The following XXYLT1 variants were observed in gnomAD, a reference collection of about 807,000 sequenced individuals.
XXYLT1 encodes the protein xyloside xylosyltransferase 1.
A neutral mutation model predicts 28.9 loss-of-function variants in XXYLT1; 20 were observed. The observed-to-expected ratio is 0.69, with a 90% CI of 0.49 to 1.00. The LOEUF is 1.00. Among genes scored for constraint, XXYLT1 ranks in the 50% least tolerant of loss-of-function variants. XXYLT1 has a pLI of 0.00. For missense variants in XXYLT1, 542 were observed against 560.1 expected (o/e 0.97, Z 0.33); for synonymous variants, 257 against 253.8 (o/e 1.01, Z -0.12).
At chr3:195,197,441 T>TAAAAAA (rs59076636) in intron 2 of XXYLT1, among the ~76,000 whole-genome samples, 1 of 106,176 alleles carries the variant, frequency 9.4e-6, no homozygotes, top group African/African-American at 3.3e-5. Context: ...AGTCTCAATT[T>TAAAAAA]AAAAAAAAAA....
In XXYLT1 at chr3:195,235,996, GTGACACCCC is replaced by G. The variant is rs112103571; in HGVS notation, c.505-9149_505-9141del. 6.5e-3 allele frequency among the ~76,000 whole-genome samples: 987 copies of G among 152,232 alleles called. 9 individuals are homozygous for G. Among genetic ancestry groups the G allele is most frequent in the African/African-American group, 0.022 (934 of 41,512 alleles). On this transcript the variant is annotated intron_variant, in intron 1 of 3. Coordinates refer to ENST00000310380, the MANE Select transcript of XXYLT1 (RefSeq NM_152531.5). The stretch of plus-strand genomic sequence containing the variant: ...TGGGCTGCCTGGAGATTGGGGAGGG[GTGACACCCC>G]TGTCACTATCACCACTGGGACTGCA...
intron 2 of XXYLT1, among the ~76,000 whole-genome samples, chr3:195,211,538 G>A (rs903115843): frequency 1.3e-5 from 2 of 152,214 alleles, no homozygotes; most frequent in African/African-American, 4.8e-5. Flanking sequence ...CTATGTGTCT[G>A]TATCGCTCTG....
intron 3 of XXYLT1, among the ~76,000 whole-genome samples, chr3:195,099,002 C>T (rs1311903895): frequency 6.6e-6 from 1 of 152,234 alleles, no homozygotes; most frequent in African/African-American, 2.4e-5. Flanking sequence ...GCTTCAAGCA[C>T]AGACCATTCC....
chr3:195,068,824 A>T lies in XXYLT1; in HGVS notation c.*891T>A, dbSNP rs57202169. The T allele has an allele frequency of 6.6e-6, 1 of 151,460 alleles. No individual in the cohort carries two copies. Among genetic ancestry groups the T allele is most frequent in the African/African-American group, 2.4e-5 (1 of 41,254 alleles). The allele number at this position is 151,460 out of a possible 1,614,324, so 9.4% of individuals were successfully genotyped here. On this transcript the variant is annotated 3_prime_UTR_variant, in exon 4 of 4. Coordinates refer to ENST00000310380, the MANE Select transcript of XXYLT1 (RefSeq NM_152531.5). Reference sequence around the variant, plus strand: ...TCTCGACCTCCGAGGCTCAATCGATACCCCCACCTCGGTCTCCCAAAGTGT... The same window carrying T: ...TCTCGACCTCCGAGGCTCAATCGATTCCCCCACCTCGGTCTCCCAAAGTGT...
At position 195,256,212 on chromosome 3, in the gene XXYLT1, T is replaced by G. The variant is rs978490874; in HGVS notation, c.504+14343A>C. Among the ~76,000 whole-genome samples, 1 of 152,228 alleles carries G rather than the reference T, an allele frequency of 6.6e-6. No homozygotes were observed. Among genetic ancestry groups the G allele is most frequent in the Non-Finnish European group, 1.5e-5 (1 of 68,036 alleles). On this transcript the variant is annotated intron_variant, in intron 1 of 3. Transcript: ENST00000310380. This position sits in a 1 kb window ranked among gnomAD's most constrained non-coding sequence, Gnocchi z 4.2. ...TCATGGCTCCGAGCAAGCTCATCTG[T>G]GCAGCCTCTTCCTAGGGGAGACTAG... is the stretch of plus-strand genomic sequence containing the variant.
At chr3:195,175,556 T>G in intron 2 of XXYLT1, 1 of 1,532,542 alleles carries the variant, frequency 6.5e-7, no homozygotes, top group Non-Finnish European at 8.7e-7. Context: ...CTAGGGGTAG[T>G]TAGGACACAG....
At position 195,163,622 on chromosome 3, in the gene XXYLT1, C is replaced by T. The variant is rs79640419; in HGVS notation, c.653-7041G>A. On this transcript the variant is annotated intron_variant, in intron 2 of 3. Coordinates refer to ENST00000310380, the MANE Select transcript of XXYLT1 (RefSeq NM_152531.5). ...TTAACTCGTTTGATCCTTACAGCAA[C>T]CCTAGGGGGCAGGTGCATCCATGTG... Among the ~76,000 whole-genome samples the T allele has an allele frequency of 7.5e-3, 1,148 of 152,316 alleles. 3 individuals are homozygous for T. Among genetic ancestry groups the T allele is most frequent in the Admixed American group, 0.015 (233 of 15,308 alleles).
At chr3:195,099,004 G>C (rs1716614488) in intron 3 of XXYLT1, among the ~76,000 whole-genome samples, 3 of 152,188 alleles carry the variant, frequency 2.0e-5, no homozygotes. Flanking sequence ...TTCAAGCACA[G>C]ACCATTCCAC....
In XXYLT1 at chr3:195,173,494, AC is replaced by A. The variant is rs1721512865; in HGVS notation, c.653-16914del. Among the ~76,000 whole-genome samples the A allele has an allele frequency of 6.6e-6, 1 of 152,176 alleles. No homozygotes were observed. The highest frequency in any genetic ancestry group is 1.5e-5 in the Non-Finnish European group (1 of 68,032). ...AGCTCCCAGCACAGCCTTGCTATGCACCTAAAAACGGACATGAAACTCTATT... is the reference window on the plus strand; with the variant it reads ...AGCTCCCAGCACAGCCTTGCTATGCACTAAAAACGGACATGAAACTCTATT... On this transcript the variant is annotated intron_variant, in intron 2 of 3. Transcript: ENST00000310380. This position sits in a 1 kb window ranked among gnomAD's most constrained non-coding sequence, Gnocchi z 4.3.
At position 195,255,085 on chromosome 3, in the gene XXYLT1, G is replaced by T. The variant is rs371557684; in HGVS notation, c.504+15470C>A. 6.6e-6 allele frequency among the ~76,000 whole-genome samples: 1 copy of T among 152,198 alleles called. No individual in the cohort carries two copies. Among genetic ancestry groups the T allele is most frequent in the Non-Finnish European group, 1.5e-5 (1 of 68,050 alleles). On this transcript the variant is annotated intron_variant, in intron 1 of 3. Coordinates refer to ENST00000310380, the MANE Select transcript of XXYLT1 (RefSeq NM_152531.5). The surrounding 1 kb of genome is among the most constrained non-coding windows in gnomAD (Gnocchi z 4.5). Reference sequence around the variant, plus strand: ...AGGCTGGGAAATTCACCAGCACTGCGGACAGAGCAGGGGATAACAGCAGCA... The same window carrying T: ...AGGCTGGGAAATTCACCAGCACTGCTGACAGAGCAGGGGATAACAGCAGCA...
intron 2 of XXYLT1, 59 bp downstream of exon 2, chr3:195,226,649 AG>A: frequency 6.3e-7 from 1 of 1,579,850 alleles, no homozygotes; most frequent in Non-Finnish European, 8.6e-7. Flanking sequence ...TGTTGGAACC[AG>A]GGAAATGGAT....
chr3:195,084,326 G>A (rs1715606489), intron 3 of XXYLT1, among the ~76,000 whole-genome samples: 1 of 152,062 alleles, frequency 6.6e-6, no homozygotes, highest in Non-Finnish European at 1.5e-5. Flanking sequence ...CCCTGCCCCA[G>A]GGATACTTAG....
chr3:195,138,745 C>G (rs774859395), intron 3 of XXYLT1, among the ~76,000 whole-genome samples: 3 of 151,074 alleles, frequency 2.0e-5, no homozygotes, highest in Non-Finnish European at 4.4e-5. Context: ...ATCCCAGCTA[C>G]TTGGGAGGCT....
intron 3 of XXYLT1, among the ~76,000 whole-genome samples, chr3:195,112,565 C>G (rs982479416): frequency 1.4e-5 from 2 of 146,740 alleles, no homozygotes; most frequent in African/African-American, 5.1e-5. Context: ...CTAGATGAAG[C>G]AGTGCACACA....
At chr3:195,181,004 T>C (rs1721922906) in intron 2 of XXYLT1, among the ~76,000 whole-genome samples, 1 of 152,196 alleles carries the variant, frequency 6.6e-6, no homozygotes, top group South Asian at 2.1e-4. Context: ...GGGTGGTGAC[T>C]CCAGGCCGTG....
Position 195,146,316 on chromosome 3 carries a change from C to A in XXYLT1, c.785+10133G>T, listed in dbSNP as rs147821573. Among the ~76,000 whole-genome samples, 29 of 152,350 alleles carry A rather than the reference C, an allele frequency of 1.9e-4. 1 individual carries two copies. The highest frequency in any genetic ancestry group is 1.5e-3 in the Admixed American group (23 of 15,306). On this transcript the variant is annotated intron_variant, in intron 3 of 3. Coordinates refer to ENST00000310380, the MANE Select transcript of XXYLT1 (RefSeq NM_152531.5). ...CCCCAGGAAGATGCTTACAGATAAGCCTTTCTGCTGCCTGGATTACAAATA... is the reference window on the plus strand; with the variant it reads ...CCCCAGGAAGATGCTTACAGATAAGACTTTCTGCTGCCTGGATTACAAATA...
chr3:195,268,521 C>G (rs1725914250), intron 1 of XXYLT1, among the ~76,000 whole-genome samples: 1 of 151,090 alleles, frequency 6.6e-6, no homozygotes, highest in Non-Finnish European at 1.5e-5. Context: ...TCGCTCGAAC[C>G]CAGGAGGCAG....
chr3:195,206,996 G>A (rs1044798157), intron 2 of XXYLT1, among the ~76,000 whole-genome samples: 8 of 149,948 alleles, frequency 5.3e-5, no homozygotes, highest in African/African-American at 1.7e-4. Flanking sequence ...GGTGGAGGGG[G>A]AAAAAAAAAG....
intron 2 of XXYLT1, 35 bp from the exon 3 acceptor site, chr3:195,156,616 T>A: frequency 6.2e-7 from 1 of 1,611,262 alleles, no homozygotes; most frequent in Non-Finnish European, 8.5e-7. Context: ...GAGACACAGG[T>A]ACACCTCCTG....
Sources: allele counts gnomAD v4.1 joint callset (sites outside exome capture counted in the v4.1 genomes callset), GRCh38; gene constraint gnomAD v4.1.1; non-coding constraint Gnocchi (gnomAD v3.1); transcripts MANE v1.5; gene names NCBI Gene and HGNC (gene_info 2026-07-23, HGNC 2026-07-21).